Variants in EFNA5 observed in about 807,000 individuals in gnomAD.
EFNA5 encodes the protein ephrin-A5.
EFNA5 carries 5 observed loss-of-function variants against 22.9 expected under a neutral mutation model. The observed-to-expected ratio is 0.22, with a 90% CI of 0.11 to 0.46. The LOEUF (loss-of-function observed/expected upper bound fraction) is 0.46. Among genes scored for constraint, EFNA5 ranks in the 20% least tolerant of loss-of-function variants. The pLI is 0.99. For synonymous variants in EFNA5, 113 were observed against 112.2 expected (o/e 1.01, Z -0.04); for missense variants, 237 against 293.3 (o/e 0.81, Z 1.40).
At chr5:107,611,419 T>C (rs752002709) in intron 1 of EFNA5, among the ~76,000 whole-genome samples, 1 of 152,182 alleles carries the variant, frequency 6.6e-6, no homozygotes, top group Non-Finnish European at 1.5e-5. Flanking sequence ...GTTTGTAAAA[T>C]TCCACGGGAA....
At chr5:107,395,493 TA>T (rs1271257442) in intron 2 of EFNA5, among the ~76,000 whole-genome samples, 1 of 152,228 alleles carries the variant, frequency 6.6e-6, no homozygotes, top group Non-Finnish European at 1.5e-5. Context: ...TTTAATTGTC[TA>T]AGAAATTTCT....
In EFNA5 at chr5:107,670,646, C is replaced by T; in HGVS notation, c.-33G>A. The T allele has an allele frequency of 6.3e-7, 1 of 1,593,590 alleles. No individual in the cohort carries two copies. On this transcript the variant is annotated 5_prime_UTR_variant, in exon 1 of 5. Coordinates refer to ENST00000333274, the MANE Select transcript of EFNA5 (RefSeq NM_001962.3). The stretch of plus-strand genomic sequence containing the variant: ...GGCCAGCGGCGGAGCCCCCGACGCG[C>T]CACTCCGGGGAGAGAGCGGGGATCC...
At chr5:107,605,571 C>T (rs1231658144) in intron 1 of EFNA5, among the ~76,000 whole-genome samples, 1 of 151,816 alleles carries the variant, frequency 6.6e-6, no homozygotes, top group African/African-American at 2.4e-5. Context: ...CCCCACCCCC[C>T]GCCACCCCGA....
intron 1 of EFNA5, among the ~76,000 whole-genome samples, chr5:107,658,478 T>A (rs1750873804): frequency 6.6e-6 from 1 of 152,220 alleles, no homozygotes; most frequent in African/African-American, 2.4e-5. Flanking sequence ...TGTAAAAATC[T>A]GTTTTATTTG....
At chr5:107,635,687 G>C (rs1580572837) in intron 1 of EFNA5, among the ~76,000 whole-genome samples, 2 of 152,298 alleles carry the variant, frequency 1.3e-5, no homozygotes, top group Non-Finnish European at 2.9e-5. Flanking sequence ...GATAGATTTT[G>C]AGCCTTAGGT....
intron 1 of EFNA5, among the ~76,000 whole-genome samples, chr5:107,617,227 CACACACACACAG>C (rs1485348612): frequency 4.0e-4 from 60 of 148,194 alleles, no homozygotes; most frequent in Non-Finnish European, 7.6e-4. Context: ...CACACACACA[CACACACACACAG>C]AGAGAGAGAG....
chr5:107,523,858 T>C (rs996439971), intron 1 of EFNA5, among the ~76,000 whole-genome samples: 3 of 152,232 alleles, frequency 2.0e-5, no homozygotes, highest in Non-Finnish European at 2.9e-5. Flanking sequence ...AGACTGTAGA[T>C]TATTATTTGC....
intron 1 of EFNA5, among the ~76,000 whole-genome samples, chr5:107,526,764 G>T (rs1014213911): frequency 9.2e-5 from 14 of 152,198 alleles, no homozygotes; most frequent in Admixed American, 8.5e-4. Flanking sequence ...ATAAGGTCAT[G>T]TAGTAAAAAT....
chr5:107,656,035 A>T (rs1303250010), intron 1 of EFNA5, among the ~76,000 whole-genome samples: 1 of 152,172 alleles, frequency 6.6e-6, no homozygotes, highest in Non-Finnish European at 1.5e-5. Flanking sequence ...GCCCGTAAGG[A>T]GCAGGCCCAG....
intron 1 of EFNA5, among the ~76,000 whole-genome samples, chr5:107,447,157 G>A (rs1175735801): frequency 6.6e-6 from 1 of 152,158 alleles, no homozygotes; most frequent in African/African-American, 2.4e-5. Flanking sequence ...CTCAGGAAAG[G>A]GGAATCAGAC....
chr5:107,442,561 T>C (rs1007813687), intron 1 of EFNA5, among the ~76,000 whole-genome samples: 2 of 152,188 alleles, frequency 1.3e-5, no homozygotes, highest in African/African-American at 4.8e-5. Context: ...GATTGTATTA[T>C]CAACTGTCTA....
At chr5:107,513,099 G>C (rs1747406563) in intron 1 of EFNA5, among the ~76,000 whole-genome samples, 1 of 152,178 alleles carries the variant, frequency 6.6e-6, no homozygotes, top group Admixed American at 6.5e-5. Context: ...GAGGTAATTT[G>C]TGCTTCCCTG....
chr5:107,521,455 G>A (rs1747593514), intron 1 of EFNA5, among the ~76,000 whole-genome samples: 1 of 111,064 alleles, frequency 9.0e-6, no homozygotes, highest in Non-Finnish European at 1.7e-5. Flanking sequence ...ACCACACCTG[G>A]CTATATATAT....
At chr5:107,580,772 C>G (rs553950696) in intron 1 of EFNA5, among the ~76,000 whole-genome samples, 1 of 148,316 alleles carries the variant, frequency 6.7e-6, no homozygotes, top group East Asian at 2.0e-4. Flanking sequence ...AGAAAAACAA[C>G]CACAAACACC....
chr5:107,470,725 T>C (rs1455554442), intron 1 of EFNA5, among the ~76,000 whole-genome samples: 1 of 152,150 alleles, frequency 6.6e-6, no homozygotes, highest in Non-Finnish European at 1.5e-5. Context: ...CTTTTTGAAA[T>C]TTCACTTCTC....
intron 4 of EFNA5, among the ~76,000 whole-genome samples, chr5:107,382,117 C>G (rs1486758469): frequency 6.6e-6 from 1 of 152,142 alleles, no homozygotes; most frequent in Non-Finnish European, 1.5e-5. Context: ...AAATTTTCCT[C>G]TAAATAAAAT....
chr5:107,442,468 A>G (rs537068011), intron 1 of EFNA5, among the ~76,000 whole-genome samples: 2 of 152,294 alleles, frequency 1.3e-5, no homozygotes, highest in Non-Finnish European at 2.9e-5. Flanking sequence ...AGTTCAAAGC[A>G]ATCCCCTCAA....
At chr5:107,556,090 A>T (rs887206294) in intron 1 of EFNA5, among the ~76,000 whole-genome samples, 2 of 152,236 alleles carry the variant, frequency 1.3e-5, no homozygotes, top group African/African-American at 4.8e-5. Flanking sequence ...TTGGTCAGTA[A>T]GTCAACCCCA....
intron 2 of EFNA5, among the ~76,000 whole-genome samples, chr5:107,414,558 A>G (rs938835775): frequency 1.3e-5 from 2 of 152,288 alleles, no homozygotes; most frequent in South Asian, 2.1e-4. Flanking sequence ...ATAATATGTA[A>G]TACTGAAGTG....
Sources: allele counts gnomAD v4.1 joint callset (sites outside exome capture counted in the v4.1 genomes callset), GRCh38; gene constraint gnomAD v4.1.1; transcripts MANE v1.5; gene names NCBI Gene and HGNC (gene_info 2026-07-23, HGNC 2026-07-21).